The following SEPTIN12 variants were observed in gnomAD, a reference collection of about 807,000 sequenced individuals.
The protein encoded by SEPTIN12 is septin-12.
In SEPTIN12, 42 loss-of-function variants were observed where a neutral mutation model predicts 37.7. The ratio of observed to expected loss-of-function variants is 1.11; its 90% CI spans 0.87 to 1.44. The LOEUF (loss-of-function observed/expected upper bound fraction) is 1.44. Among genes scored for constraint, SEPTIN12 ranks in the 40% most tolerant of loss-of-function variants. The pLI, the probability that SEPTIN12 is intolerant of heterozygous loss-of-function variation, is 0.00. For synonymous variants in SEPTIN12, 254 were observed against 196.7 expected, an observed-to-expected ratio of 1.29 and a Z score of -2.44; for missense variants, 613 against 479.2, an observed-to-expected ratio of 1.28 and a Z score of -2.61.
At chr16:4,782,894 T>C (rs896603856) in intron 7 of SEPTIN12, among the ~76,000 whole-genome samples, 59 of 151,234 alleles carry the variant, frequency 3.9e-4, no homozygotes, top group African/African-American at 1.4e-3. Context: ...GCTGAGCCAC[T>C]GCGCCCGGCC....
Position 4,778,090 on chromosome 16 carries a change from T to C in SEPTIN12, c.871A>G (p.Ile291Val). The C allele has an allele frequency of 6.2e-7, 1 of 1,614,128 alleles. No homozygotes were observed. The highest frequency in any genetic ancestry group is 8.5e-7 in the Non-Finnish European group (1 of 1,180,000). ...CEFPLLRDLL[I>V]RSHLQDLKDI... Reference sequence around the variant, plus strand: ...CCAGGCTCCCCACACCCTCACCGGATAAGCAGGTCTCTCAGGAGAGGAAAT... The same window carrying C: ...CCAGGCTCCCCACACCCTCACCGGACAAGCAGGTCTCTCAGGAGAGGAAAT... Residue 291 changes from isoleucine (I) to valine (V), a missense_variant, in exon 9 of 10, where the codon ATC becomes GTC. Ile to Val is a conservative substitution (Grantham distance 29). Transcript: ENST00000268231.
At chr16:4,782,911 T>A (rs916894878) in intron 7 of SEPTIN12, among the ~76,000 whole-genome samples, 1 of 145,766 alleles carries the variant, frequency 6.9e-6, no homozygotes, top group Admixed American at 6.9e-5. Context: ...GGCCAACACA[T>A]TTTTTTTTTC....
chr16:4,786,830 T>G (rs1260825924), intron 2 of SEPTIN12, among the ~76,000 whole-genome samples: 1 of 151,910 alleles, frequency 6.6e-6, no homozygotes, highest in Non-Finnish European at 1.5e-5. Context: ...ATTTTTTTTG[T>G]AGAGATGGGG....
In SEPTIN12 at chr16:4,777,883, C is replaced by T. The variant is rs1271465645; in HGVS notation, c.991G>A (p.Ala331Thr). 6.3e-7 allele frequency: 1 copy of T among 1,597,874 alleles called. No individual in the cohort carries two copies. Among genetic ancestry groups the T allele is most frequent in the African/African-American group, 1.3e-5 (1 of 74,908 alleles). The part of the protein sequence containing the change: ...LPRGPGWVNL[A>T]PASPGQLTTP... ...GTCAGCTGTCCTGGGGAGGCCGGGG[C>T]CAGGTTCACCCAGCCGGGCCCGCGG... is the stretch of plus-strand genomic sequence containing the variant. Residue 331 changes from alanine (A) to threonine (T), a missense_variant, in exon 10 of 10, where the codon GCC (alanine) becomes ACC (threonine). Ala to Thr is a moderately conservative substitution (Grantham distance 58). Transcript: ENST00000268231.
At chr16:4,786,228 C>T (rs909350686) in intron 2 of SEPTIN12, 123 bp from the exon 3 acceptor site, 43 of 1,252,758 alleles carry the variant, frequency 3.4e-5, no homozygotes, top group Non-Finnish European at 4.7e-5. Context: ...GGCTGGAGTG[C>T]AATGATGCAA....
rs576955899 is a variant in SEPTIN12, at chr16:4,785,433, G to A, written c.374+374C>T. ...GTTTCCCAAAGGTTGAAGGGGGAGG[G>A]GCACGGACAGGAGGGGACAGCCATG... On this transcript the variant is annotated intron_variant, in intron 4 of 9. Coordinates refer to ENST00000268231, the MANE Select transcript of SEPTIN12 (RefSeq NM_144605.5). Among the ~76,000 whole-genome samples, 16 of 151,676 alleles carry A rather than the reference G, an allele frequency of 1.1e-4. 1 individual carries two copies. The South Asian group carries it at 3.3e-3, about 32-fold the overall frequency.
At chr16:4,786,924 G>A (rs1392290078) in intron 2 of SEPTIN12, among the ~76,000 whole-genome samples, 2 of 152,050 alleles carry the variant, frequency 1.3e-5, no homozygotes, top group African/African-American at 4.8e-5. Context: ...ACCCAGGCTG[G>A]AGTACAGTGG....
upstream of SEPTIN12, among the ~76,000 whole-genome samples, chr16:4,789,014 G>C (rs2082505972): frequency 6.6e-6 from 1 of 152,282 alleles, no homozygotes; most frequent in Admixed American, 6.5e-5. Context: ...CTGATAAGCT[G>C]TTTCTTTTTT....
At position 4,780,315 on chromosome 16, in the gene SEPTIN12, T is replaced by C. The variant is rs8046316; in HGVS notation, c.727-529A>G. Among the ~76,000 whole-genome samples, 937 of 151,316 alleles carry C rather than the reference T, an allele frequency of 6.2e-3. 2 individuals are homozygous for C. The highest frequency in any genetic ancestry group is 0.022 in the African/African-American group (901 of 41,322). ...GTTGCCCAGGCTGGTCTCTAACTCC[T>C]GGGCTCAAGTGATCCTCCCGCCTCT... On this transcript the variant is annotated intron_variant, in intron 7 of 9. Coordinates refer to ENST00000268231, the MANE Select transcript of SEPTIN12 (RefSeq NM_144605.5).
intron 8 of SEPTIN12, among the ~76,000 whole-genome samples, chr16:4,779,433 A>G (rs554359419): frequency 1.3e-5 from 2 of 152,304 alleles, no homozygotes; most frequent in Admixed American, 1.3e-4. Flanking sequence ...GCATTGTGCA[A>G]AATGGTGGTT....
At chr16:4,785,228 G>A (rs1220705668) in intron 4 of SEPTIN12, among the ~76,000 whole-genome samples, 1 of 151,192 alleles carries the variant, frequency 6.6e-6, no homozygotes, top group Non-Finnish European at 1.5e-5. Flanking sequence ...TCTGGCCTGG[G>A]TGACAAGAGC....
chr16:4,783,236 A>G, intron 7 of SEPTIN12: 1 of 569,058 alleles, frequency 1.8e-6, no homozygotes, highest in Non-Finnish European at 3.2e-6. Context: ...TCAGGATACA[A>G]GCCCCTTATT....
intron 7 of SEPTIN12, among the ~76,000 whole-genome samples, chr16:4,781,285 A>T (rs1020004580): frequency 6.8e-5 from 9 of 133,132 alleles, no homozygotes; most frequent in Non-Finnish European, 1.3e-4. Context: ...CCTATCTCAT[A>T]AAAAAAACAA....
In SEPTIN12 at chr16:4,787,703, G is replaced by C. The variant is rs562096516; in HGVS notation, c.-22-36C>G. On this transcript the variant is annotated intron_variant, in intron 1 of 9. Coordinates refer to ENST00000268231, the MANE Select transcript of SEPTIN12 (RefSeq NM_144605.5). Reference sequence around the variant, plus strand: ...GTGGGTGGGGAGAAGGGGGTCACTGGGGCTCAGAGGAGCCCACATTGACCT... The same window carrying C: ...GTGGGTGGGGAGAAGGGGGTCACTGCGGCTCAGAGGAGCCCACATTGACCT... 4.6e-6 allele frequency: 4 copies of C among 870,552 alleles called. No individual in the cohort carries two copies. In the African/African-American group the frequency reaches 5.0e-5, roughly 11 times the overall value. 53.9% of individuals were successfully genotyped at this position (870,552 alleles called of 1,614,324 possible).
upstream of SEPTIN12, among the ~76,000 whole-genome samples, chr16:4,790,802 A>T (rs185603251): frequency 6.6e-6 from 1 of 152,308 alleles, no homozygotes; most frequent in East Asian, 1.9e-4. Context: ...AAATAAATAA[A>T]TAAATAAATA....
chr16:4,787,604 C>A lies in SEPTIN12; in HGVS notation c.42G>T (p.Ser14=). The change falls in exon 2 of 10, where the codon TCG becomes TCT. Residue 14 remains serine (S), a synonymous_variant. Coordinates refer to ENST00000268231, the MANE Select transcript of SEPTIN12 (RefSeq NM_144605.5). ...GTGGGGTGCTGGGGCTGGAGGGCTG[C>A]GAGGACAGGCAGGGAGAGGGGGAGC... ...LRRSPSPCLS[S]QPSSPSTPPC... is the part of the protein sequence containing the mutation. 2 of 1,603,844 alleles carry A rather than the reference C, an allele frequency of 1.2e-6. No homozygotes were observed. The highest frequency in any genetic ancestry group is 1.7e-6 in the Non-Finnish European group (2 of 1,179,096).
intron 7 of SEPTIN12, among the ~76,000 whole-genome samples, chr16:4,782,146 C>T: frequency 6.6e-6 from 1 of 151,722 alleles, no homozygotes; most frequent in African/African-American, 2.4e-5. Context: ...GACAGAGTTT[C>T]ACCATGTTAG....
At chr16:4,785,955 G>T in intron 3 of SEPTIN12, 25 bp downstream of exon 3, 3 of 1,610,704 alleles carry the variant, frequency 1.9e-6, no homozygotes, top group African/African-American at 1.3e-5. Context: ...AGGGTGGGGT[G>T]AGGTGTGGGC....
intron 9 of SEPTIN12, 30 bp from the exon 10 acceptor site, chr16:4,778,028 G>T (rs2082332594): frequency 1.9e-5 from 30 of 1,612,486 alleles, no homozygotes; most frequent in Non-Finnish European, 2.5e-5. Flanking sequence ...CAGCCCCGAT[G>T]GTGGTGTCCC....
Sources: allele counts gnomAD v4.1 joint callset (sites outside exome capture counted in the v4.1 genomes callset), GRCh38; gene constraint gnomAD v4.1.1; transcripts MANE v1.5; gene names NCBI Gene and HGNC (gene_info 2026-07-23, HGNC 2026-07-21).